The following USH2A variants were observed in gnomAD, a reference collection of about 807,000 sequenced individuals.
USH2A encodes Usher syndrome 2A (autosomal recessive, mild).
USH2A carries 443 observed loss-of-function variants against 538.9 expected under a neutral mutation model. That is an observed-to-expected ratio of 0.82 (90% CI 0.76 to 0.89). The LOEUF (loss-of-function observed/expected upper bound fraction) is 0.89. USH2A is among the 40% of genes least tolerant of loss of function. USH2A has a pLI of 0.00. For missense variants in USH2A, 6,633 were observed against 6,324.8 expected, an observed-to-expected ratio of 1.05 and a Z score of -1.65; for synonymous variants, 2,413 against 2,273.5, an observed-to-expected ratio of 1.06 and a Z score of -1.75.
chr1:216,250,503 T>A (rs1396985557), intron 12 of USH2A, among the ~76,000 whole-genome samples: 1 of 152,136 alleles, frequency 6.6e-6, no homozygotes, highest in African/African-American at 2.4e-5. Context: ...TTTGAAAAAA[T>A]CCACTTATTT....
chr1:215,776,586 G>A (rs17025414), intron 55 of USH2A, among the ~76,000 whole-genome samples: 11,816 of 152,130 alleles, frequency 0.078, 780 homozygotes, highest in East Asian at 0.36. Flanking sequence ...GCTCCAGGAC[G>A]ACTAGTGCTA....
At chr1:215,680,481 A>T (rs1658191740) in intron 61 of USH2A, 105 bp from the exon 62 acceptor site, 13 of 1,105,424 alleles carry the variant, frequency 1.2e-5, no homozygotes, top group Non-Finnish European at 1.8e-5. Flanking sequence ...TGTAGGCAAC[A>T]GCAGCGCAAA....
chr1:216,372,406 A>G (rs1215496067), intron 3 of USH2A, among the ~76,000 whole-genome samples: 2 of 152,138 alleles, frequency 1.3e-5, no homozygotes, highest in Non-Finnish European at 2.9e-5. Flanking sequence ...TCTTGAAGCA[A>G]TCTACAGAAA....
At chr1:215,975,075 A>G (rs1324852392) in intron 35 of USH2A, among the ~76,000 whole-genome samples, 3 of 152,028 alleles carry the variant, frequency 2.0e-5, no homozygotes, top group East Asian at 1.9e-4. Flanking sequence ...TTGATATGCA[A>G]TTCTCTGATG....
chr1:216,360,063 G>T (rs57802505), intron 4 of USH2A, among the ~76,000 whole-genome samples: 3,495 of 152,126 alleles, frequency 0.023, 136 homozygotes, highest in African/African-American at 0.08. Flanking sequence ...GCGCTCTTTG[G>T]TATTTATAAG....
At chr1:215,874,175 T>C (rs1206192375) in intron 43 of USH2A, among the ~76,000 whole-genome samples, 1 of 152,220 alleles carries the variant, frequency 6.6e-6, no homozygotes, top group Non-Finnish European at 1.5e-5. Flanking sequence ...AACAGCACGT[T>C]CGCCAGATTT....
At chr1:215,741,594 A>T (rs978576114) in intron 59 of USH2A, 57 bp from the exon 60 acceptor site, 1 of 1,582,084 alleles carries the variant, frequency 6.3e-7, no homozygotes, top group Non-Finnish European at 8.6e-7. Flanking sequence ...AAAGAACTAC[A>T]TATTCATACA....
chr1:216,056,337 A>G (rs1368545323), intron 30 of USH2A, among the ~76,000 whole-genome samples: 1 of 152,216 alleles, frequency 6.6e-6, no homozygotes, highest in African/African-American at 2.4e-5. Flanking sequence ...AAGAGAAATG[A>G]AAGTCATCCC....
intron 21 of USH2A, among the ~76,000 whole-genome samples, chr1:216,160,549 A>G (rs1394250296): frequency 6.6e-6 from 1 of 151,972 alleles, no homozygotes; most frequent in African/African-American, 2.4e-5. Context: ...AAGTGGGAAG[A>G]CTGCTTGAGC....
intron 41 of USH2A, among the ~76,000 whole-genome samples, chr1:215,885,194 T>G (rs1183957786): frequency 6.6e-6 from 1 of 151,976 alleles, no homozygotes; most frequent in African/African-American, 2.4e-5. Context: ...AATAACTTCT[T>G]AATTGTATGC....
At chr1:215,834,559 T>G (rs1048115738) in intron 47 of USH2A, among the ~76,000 whole-genome samples, 1 of 152,164 alleles carries the variant, frequency 6.6e-6, no homozygotes, top group Non-Finnish European at 1.5e-5. Flanking sequence ...TTAGCAATAA[T>G]GGAGACCGAC....
At chr1:216,174,182 A>T (rs2034327123) in intron 21 of USH2A, 1 of 984,882 alleles carries the variant, frequency 1.0e-6, no homozygotes, top group African/African-American at 1.7e-5. Context: ...ACAAATTTTT[A>T]TAGCTCGAAT....
At chr1:215,688,916 G>C (rs1658515627) in intron 61 of USH2A, among the ~76,000 whole-genome samples, 1 of 152,054 alleles carries the variant, frequency 6.6e-6, no homozygotes, top group African/African-American at 2.4e-5. Context: ...TTTTGCTGAA[G>C]GCCAGGAAGG....
At chr1:216,109,892 T>G (rs1241424929) in intron 21 of USH2A, among the ~76,000 whole-genome samples, 4 of 152,208 alleles carry the variant, frequency 2.6e-5, no homozygotes, top group Non-Finnish European at 4.4e-5. Flanking sequence ...AATTGATGTA[T>G]TTATCTACAT....
intron 21 of USH2A, among the ~76,000 whole-genome samples, chr1:216,125,783 T>A (rs1419991685): frequency 3.3e-5 from 5 of 152,146 alleles, no homozygotes; most frequent in Non-Finnish European, 7.4e-5. Flanking sequence ...CTGATGTAAA[T>A]AAATCACTAC....
intron 43 of USH2A, among the ~76,000 whole-genome samples, chr1:215,871,359 T>A (rs962569083): frequency 6.6e-6 from 1 of 152,238 alleles, no homozygotes; most frequent in Non-Finnish European, 1.5e-5. Context: ...TTAATTTGTT[T>A]ATTTACTGAA....
chr1:216,217,281 G>A, intron 15 of USH2A, 106 bp downstream of exon 15: 1 of 1,433,444 alleles, frequency 7.0e-7, no homozygotes, highest in East Asian at 2.5e-5. Context: ...TCTTCACATT[G>A]TACTAAGCCT....
chr1:215,965,045 C>T (rs1385530527), intron 37 of USH2A, among the ~76,000 whole-genome samples: 1 of 152,102 alleles, frequency 6.6e-6, no homozygotes, highest in Non-Finnish European at 1.5e-5. Context: ...ACTGTTAGAC[C>T]TTAGCCTCTA....
At chr1:216,339,747 T>C (rs777598864) in intron 4 of USH2A, among the ~76,000 whole-genome samples, 2 of 151,298 alleles carry the variant, frequency 1.3e-5, no homozygotes, top group Non-Finnish European at 2.9e-5. Context: ...GGGTAAATAA[T>C]GAAATTAAAG....
Sources: gnomAD v4.1 joint callset for allele counts (sites outside exome capture counted in the v4.1 genomes callset) on GRCh38, gnomAD v4.1.1 for gene constraint, MANE v1.5 for transcripts, NCBI Gene and HGNC (gene_info 2026-07-23, HGNC 2026-07-21) for gene names.